Variants in GAN observed in about 807,000 individuals in gnomAD.
The protein encoded by GAN is gigaxonin.
A neutral mutation model predicts 71.3 loss-of-function variants in GAN; 48 were observed. The ratio of observed to expected loss-of-function variants is 0.67; its 90% CI spans 0.53 to 0.86. The LOEUF is 0.86. GAN is among the 40% of genes least tolerant of loss of function. The probability of loss-of-function intolerance (pLI) is 0.00; values close to 1 mark genes in which losing one functional copy is unlikely to be tolerated. For synonymous variants in GAN, 386 were observed against 276.8 expected (o/e 1.39, Z -3.92); for missense variants, 928 against 770.1 (o/e 1.21, Z -2.43).
At chr16:81,344,296 T>G (rs973191492) in intron 1 of GAN, among the ~76,000 whole-genome samples, 8 of 152,158 alleles carry the variant, frequency 5.3e-5, no homozygotes, top group African/African-American at 1.9e-4. Flanking sequence ...AGAGCCCGCA[T>G]AGCCAAGAGA....
chr16:81,364,475 C>G (rs1910783362), intron 7 of GAN, among the ~76,000 whole-genome samples: 1 of 152,104 alleles, frequency 6.6e-6, no homozygotes, highest in South Asian at 2.1e-4. Flanking sequence ...CTATGTTGCC[C>G]CGGCTGGTCT....
intron 7 of GAN, 81 bp downstream of exon 7, chr16:81,364,024 CT>C: frequency 9.5e-7 from 1 of 1,052,596 alleles, no homozygotes; most frequent in Admixed American, 1.7e-5. Flanking sequence ...CTGAATAAAC[CT>C]TTAATATAAC....
intron 1 of GAN, among the ~76,000 whole-genome samples, chr16:81,341,471 G>C (rs570863223): frequency 6.6e-6 from 1 of 152,132 alleles, no homozygotes; most frequent in South Asian, 2.1e-4. Context: ...AAGAGAGTGG[G>C]GGCCAATATT....
At chr16:81,360,480 T>G (rs1468369231) in intron 5 of GAN, among the ~76,000 whole-genome samples, 1 of 152,186 alleles carries the variant, frequency 6.6e-6, no homozygotes, top group African/African-American at 2.4e-5. Flanking sequence ...TTTTCCATCT[T>G]TTTGTCTCAC....
At chr16:81,326,672 C>T (rs1385778094) in intron 1 of GAN, among the ~76,000 whole-genome samples, 2 of 152,242 alleles carry the variant, frequency 1.3e-5, no homozygotes, top group Non-Finnish European at 2.9e-5. Flanking sequence ...ACCTAGAGGG[C>T]ATAACCTACT....
At position 81,385,567 on chromosome 16, in the gene GAN, T is replaced by C. The variant is rs1904375290; in HGVS notation, c.*7971T>C. ...TAACTGGGTGATGACTGTAAGCAGC[T>C]GGGAGAGTGCCTTGTGTGCAGTGAC... is the stretch of plus-strand genomic sequence containing the variant. On this transcript the variant is annotated 3_prime_UTR_variant, in exon 11 of 11. Transcript: ENST00000648994. The C allele has an allele frequency of 6.6e-6, 1 of 152,128 alleles. No homozygotes were observed. The highest frequency in any genetic ancestry group is 1.5e-5 in the Non-Finnish European group (1 of 68,034). The allele number at this position is 152,128 out of a possible 1,614,324, so 9.4% of individuals were successfully genotyped here.
chr16:81,358,735 A>G (rs777428747), intron 5 of GAN, among the ~76,000 whole-genome samples: 3 of 152,210 alleles, frequency 2.0e-5, no homozygotes, highest in African/African-American at 4.8e-5. Flanking sequence ...AAACTGCTCT[A>G]CTTTATCCAA....
rs1904308126 is a variant in GAN, at chr16:81,382,061, C to T, written c.*4465C>T. On this transcript the variant is annotated 3_prime_UTR_variant, in exon 11 of 11. Transcript: ENST00000648994. ...GTTTAGTATTGGGCTTTATTGACTGCTTTTTATATGGGTGTCAAAATCTTT... is the reference window on the plus strand; with the variant it reads ...GTTTAGTATTGGGCTTTATTGACTGTTTTTTATATGGGTGTCAAAATCTTT... The T allele has an allele frequency of 6.6e-6, 1 of 152,266 alleles. No homozygotes were observed. Among genetic ancestry groups the T allele is most frequent in the Non-Finnish European group, 1.5e-5 (1 of 68,030 alleles). The allele number at this position is 152,266 out of a possible 1,614,324, so 9.4% of individuals were successfully genotyped here. A position where few individuals can be genotyped will look rare whatever the true frequency, so the allele number is the denominator to read the frequency against.
chr16:81,323,039 G>T (rs1463155310), intron 1 of GAN, among the ~76,000 whole-genome samples: 2 of 152,212 alleles, frequency 1.3e-5, no homozygotes, highest in African/African-American at 4.8e-5. Context: ...ACAGCCCCCA[G>T]TCTACTTCAG....
chr16:81,349,081 T>G (rs1441796113), intron 1 of GAN, among the ~76,000 whole-genome samples: 1 of 152,186 alleles, frequency 6.6e-6, no homozygotes, highest in Admixed American at 6.5e-5. Context: ...AGAGTCTTAT[T>G]GAGCTCTACA....
At position 81,384,508 on chromosome 16, in the gene GAN, C is replaced by A. The variant is rs192596703; in HGVS notation, c.*6912C>A. 1.3e-5 allele frequency: 2 copies of A among 152,202 alleles called. No individual in the cohort carries two copies. The highest frequency in any genetic ancestry group is 3.9e-4 in the East Asian group (2 of 5,178). The allele number at this position is 152,202 out of a possible 1,614,324, so 9.4% of individuals were successfully genotyped here. A position where few individuals can be genotyped will look rare whatever the true frequency, so the allele number is the denominator to read the frequency against. On this transcript the variant is annotated 3_prime_UTR_variant, in exon 11 of 11. Transcript: ENST00000648994. ...GCTCGATTTCCATTCTTGTTAGCAT[C>A]AGACAAGAAAATGTGTCTATCTGTC... is the stretch of plus-strand genomic sequence containing the variant.
Position 81,315,283 on chromosome 16 carries a change from G to A in GAN, c.167+3G>A, listed in dbSNP as rs1456170527. On this transcript the variant is annotated splice_donor_region_variant and intron_variant, in intron 1 of 10. Coordinates refer to ENST00000648994, the MANE Select transcript of GAN (RefSeq NM_022041.4). Reference sequence around the variant, plus strand: ...GCGGCGGCCAGCCCGTACATCAGGTGGGGAGGGGGCTACGGCGGGCGGGCG... The same window carrying A: ...GCGGCGGCCAGCCCGTACATCAGGTAGGGAGGGGGCTACGGCGGGCGGGCG... 6.4e-7 allele frequency: 1 copy of A among 1,553,786 alleles called. No homozygotes were observed. The highest frequency in any genetic ancestry group is 8.7e-7 in the Non-Finnish European group (1 of 1,151,364).
At chr16:81,372,094 C>G (rs193126908) in intron 9 of GAN, 1 of 152,216 alleles carries the variant, frequency 6.6e-6, no homozygotes, top group African/African-American at 2.4e-5. Context: ...CTGTCATTCC[C>G]CTTCTACTTC....
chr16:81,383,817 T>G lies in GAN; in HGVS notation c.*6221T>G, dbSNP rs1904328043. The G allele has an allele frequency of 6.6e-6, 1 of 152,054 alleles. No homozygotes were observed. Among genetic ancestry groups the G allele is most frequent in the African/African-American group, 2.4e-5 (1 of 41,390 alleles). 9.4% of individuals were successfully genotyped at this position (152,054 alleles called of 1,614,324 possible). On this transcript the variant is annotated 3_prime_UTR_variant, in exon 11 of 11. Transcript: ENST00000648994. The stretch of plus-strand genomic sequence containing the variant: ...ATGAAGTGAACGAGTAGACACTGAA[T>G]AGGATCCACGTAAATGAACGGCCAT...
intron 1 of GAN, among the ~76,000 whole-genome samples, chr16:81,337,344 C>T (rs1909797650): frequency 6.6e-6 from 1 of 152,140 alleles, no homozygotes; most frequent in South Asian, 2.1e-4. Flanking sequence ...CTGCAAATCT[C>T]GACTTCGTGA....
chr16:81,369,405 C>G (rs188850211), intron 9 of GAN, among the ~76,000 whole-genome samples: 1 of 152,306 alleles, frequency 6.6e-6, no homozygotes, highest in East Asian at 1.9e-4. Flanking sequence ...TATCACATCC[C>G]CACTTAATTC....
chr16:81,324,670 C>T (rs1166770486), intron 1 of GAN, among the ~76,000 whole-genome samples: 1 of 152,010 alleles, frequency 6.6e-6, no homozygotes, highest in Non-Finnish European at 1.5e-5. Flanking sequence ...TGGGAGCTGG[C>T]TGGGGAGGTG....
chr16:81,358,390 G>A (rs1433241633), intron 5 of GAN, among the ~76,000 whole-genome samples: 2 of 152,128 alleles, frequency 1.3e-5, no homozygotes, highest in African/African-American at 4.8e-5. Flanking sequence ...TAAAGTGAGA[G>A]GAGCCTAGGA....
At chr16:81,325,287 A>G (rs762716033) in intron 1 of GAN, among the ~76,000 whole-genome samples, 1 of 152,234 alleles carries the variant, frequency 6.6e-6, no homozygotes, top group African/African-American at 2.4e-5. Flanking sequence ...GGGAAGAACT[A>G]CTTGGGCGAT....
Sources: gnomAD v4.1 joint callset for allele counts (sites outside exome capture counted in the v4.1 genomes callset) on GRCh38, gnomAD v4.1.1 for gene constraint, MANE v1.5 for transcripts, NCBI Gene and HGNC (gene_info 2026-07-23, HGNC 2026-07-21) for gene names.